Variants in MYO3A observed in about 807,000 individuals in gnomAD.
MYO3A encodes myosin-IIIa.
In MYO3A, 180 loss-of-function variants were observed where a neutral mutation model predicts 192.7. The ratio of observed to expected loss-of-function variants is 0.93; its 90% CI spans 0.83 to 1.06. The LOEUF (loss-of-function observed/expected upper bound fraction) is 1.06, where lower values mean the gene tolerates loss of function less well. Ranked by LOEUF, MYO3A falls within the 50% of genes least tolerant of loss-of-function variation. The pLI is 0.00. For missense variants in MYO3A, 1,896 were observed against 1,905.0 expected, an observed-to-expected ratio of 1.00 and a Z score of 0.09; for synonymous variants, 628 against 645.3, an observed-to-expected ratio of 0.97 and a Z score of 0.41.
intron 6 of MYO3A, among the ~76,000 whole-genome samples, chr10:26,002,924 A>T (rs1273385199): frequency 6.6e-6 from 1 of 152,142 alleles, no homozygotes; most frequent in Non-Finnish European, 1.5e-5. Context: ...TTATTTGAGT[A>T]CTTTCTCTGC....
chr10:26,202,844 G>A, intron 33 of MYO3A, 120 bp from the exon 34 acceptor site: 14 of 1,123,580 alleles, frequency 1.2e-5, no homozygotes, highest in Non-Finnish European at 1.8e-5. Context: ...CATTTCTATT[G>A]ACATGTGTAT....
intron 18 of MYO3A, among the ~76,000 whole-genome samples, chr10:26,122,097 C>T (rs896063069): frequency 6.6e-6 from 1 of 152,136 alleles, no homozygotes; most frequent in African/African-American, 2.4e-5. Context: ...CCTACAACTC[C>T]ATTGATAAGA....
At chr10:26,151,069 T>C (rs534431829) in intron 23 of MYO3A, among the ~76,000 whole-genome samples, 2 of 152,314 alleles carry the variant, frequency 1.3e-5, no homozygotes, top group South Asian at 4.1e-4. Context: ...TTTAACTTTA[T>C]TGAGATATGT....
At chr10:26,085,140 G>A (rs564466400) in intron 14 of MYO3A, among the ~76,000 whole-genome samples, 1 of 151,632 alleles carries the variant, frequency 6.6e-6, no homozygotes, top group African/African-American at 2.4e-5. Flanking sequence ...ACTTATCTTA[G>A]TCATCTCTCT....
intron 32 of MYO3A, among the ~76,000 whole-genome samples, chr10:26,196,788 T>A (rs117576537): frequency 0.021 from 3,179 of 152,344 alleles, 44 homozygotes; most frequent in Non-Finnish European, 0.03. Context: ...TAACTTTTTT[T>A]AATGTTTTAT....
intron 4 of MYO3A, among the ~76,000 whole-genome samples, chr10:25,993,884 G>A (rs1279679910): frequency 6.6e-6 from 1 of 152,190 alleles, no homozygotes; most frequent in Non-Finnish European, 1.5e-5. Context: ...GAGACAGTTT[G>A]TTATTATTTC....
intron 10 of MYO3A, among the ~76,000 whole-genome samples, chr10:26,061,775 A>G (rs1834495641): frequency 6.6e-6 from 1 of 152,222 alleles, no homozygotes; most frequent in Non-Finnish European, 1.5e-5. Context: ...CAACCAGCCA[A>G]GTATTGATCC....
rs1220412741 is a variant in MYO3A at position 26,201,325 on chromosome 10, TTCAA to T, written c.4586+24_4586+27del. ...AGACAGGTAATTATTACTTCTGGAT[TTCAA>T]TCAGTCATCTTATTCAAACAAAAAT... On this transcript the variant is annotated intron_variant, in intron 33 of 34. Coordinates refer to ENST00000642920, the MANE Select transcript of MYO3A (RefSeq NM_017433.5). 2.0e-6 allele frequency: 3 copies of T among 1,535,712 alleles called. No homozygotes were observed. Among genetic ancestry groups the T allele is most frequent in the Middle Eastern group, 3.4e-4 (2 of 5,840 alleles).
At chr10:26,045,407 T>TAGATAGAG (rs1374143361) in intron 10 of MYO3A, among the ~76,000 whole-genome samples, 1 of 149,706 alleles carries the variant, frequency 6.7e-6, no homozygotes, top group Non-Finnish European at 1.5e-5. Context: ...GATAGATAGA[T>TAGATAGAG]AGATAGATAA....
At chr10:26,035,266 C>T (rs2131178050) in intron 10 of MYO3A, among the ~76,000 whole-genome samples, 1 of 152,246 alleles carries the variant, frequency 6.6e-6, no homozygotes, top group East Asian at 1.9e-4. Flanking sequence ...AGAATAAAAA[C>T]TAAATGGCTT....
intron 10 of MYO3A, among the ~76,000 whole-genome samples, chr10:26,057,631 C>G (rs1834190095): frequency 6.6e-6 from 1 of 152,118 alleles, no homozygotes; most frequent in Non-Finnish European, 1.5e-5. Flanking sequence ...AATGAGTAGA[C>G]TTCAAGGTCC....
chr10:25,995,026 C>T (rs1326895615), intron 4 of MYO3A, among the ~76,000 whole-genome samples: 1 of 152,088 alleles, frequency 6.6e-6, no homozygotes, highest in Non-Finnish European at 1.5e-5. Flanking sequence ...TTGTGGCGTT[C>T]TCTGTATTTC....
intron 10 of MYO3A, among the ~76,000 whole-genome samples, chr10:26,030,936 T>A (rs1423370081): frequency 1.3e-5 from 2 of 152,186 alleles, no homozygotes; most frequent in Non-Finnish European, 1.5e-5. Flanking sequence ...TTCTGAAGAA[T>A]TAAGACCATG....
chr10:26,003,895 C>G (rs1315069668), intron 6 of MYO3A, among the ~76,000 whole-genome samples: 54 of 152,212 alleles, frequency 3.5e-4, no homozygotes, highest in Non-Finnish European at 2.9e-5. Context: ...CCCACATGCC[C>G]CATTTTAGAC....
intron 14 of MYO3A, among the ~76,000 whole-genome samples, chr10:26,079,291 G>C: frequency 6.6e-6 from 1 of 152,066 alleles, no homozygotes; most frequent in East Asian, 1.9e-4. Flanking sequence ...TTTAAAGTTT[G>C]TTTTGTCTGA....
intron 34 of MYO3A, chr10:26,204,251 A>G (rs1843803528): frequency 6.6e-6 from 1 of 152,200 alleles, no homozygotes; most frequent in African/African-American, 2.4e-5. Context: ...GATTTGCCCA[A>G]GATCACACAC....
At chr10:25,957,877 C>T (rs1447573243) in intron 4 of MYO3A, among the ~76,000 whole-genome samples, 2 of 152,276 alleles carry the variant, frequency 1.3e-5, no homozygotes, top group East Asian at 1.9e-4. Flanking sequence ...CTATTGGCTA[C>T]ATGTATATCT....
chr10:26,067,152 G>C lies in MYO3A; in HGVS notation c.1053+78G>C. On this transcript the variant is annotated intron_variant, in intron 11 of 34. Transcript: ENST00000642920. The stretch of plus-strand genomic sequence containing the variant: ...ATAGAAGACACGGGTATTGGTAGAA[G>C]GGGAAGGAATATATAGATTATGATG... 3 of 929,344 alleles carry C rather than the reference G, an allele frequency of 3.2e-6. No individual in the cohort carries two copies. In the South Asian group the frequency reaches 4.0e-5, roughly 12 times the overall value. 57.6% of individuals were successfully genotyped at this position (929,344 alleles called of 1,614,324 possible).
At chr10:26,123,290 C>T (rs571491269) in intron 18 of MYO3A, among the ~76,000 whole-genome samples, 43 of 152,020 alleles carry the variant, frequency 2.8e-4, no homozygotes, top group Non-Finnish European at 1.5e-4. Flanking sequence ...ACAAATGAAA[C>T]TGAGGGAAAA....
Sources: gnomAD v4.1 joint callset for allele counts (sites outside exome capture counted in the v4.1 genomes callset) on GRCh38, gnomAD v4.1.1 for gene constraint, MANE v1.5 for transcripts, NCBI Gene and HGNC (gene_info 2026-07-23, HGNC 2026-07-21) for gene names.